The following THRB variants were observed in gnomAD, a reference collection of about 807,000 sequenced individuals.
THRB encodes the protein nuclear receptor subfamily 1 group A member 2.
In THRB, 12 loss-of-function variants were observed where a neutral mutation model predicts 47.8. That is an observed-to-expected ratio of 0.25 (90% CI 0.16 to 0.41). THRB has a LOEUF of 0.41. Ranked by LOEUF, THRB falls within the 10% of genes least tolerant of loss-of-function variation. The pLI, the probability that THRB is intolerant of heterozygous loss-of-function variation, is 1.00. For synonymous variants in THRB, 218 were observed against 212.2 expected, an observed-to-expected ratio of 1.03 and a Z score of -0.24; for missense variants, 348 against 589.2, an observed-to-expected ratio of 0.59 and a Z score of 4.24.
intron 5 of THRB, among the ~76,000 whole-genome samples, chr3:24,159,379 GA>G (rs1482793542): frequency 6.6e-6 from 1 of 152,174 alleles, no homozygotes; most frequent in African/African-American, 2.4e-5. Flanking sequence ...TTATGATCTA[GA>G]TAGATTTGAT....
At chr3:24,368,678 A>G (rs1403958611) in intron 1 of THRB, among the ~76,000 whole-genome samples, 1 of 152,210 alleles carries the variant, frequency 6.6e-6, no homozygotes, top group African/African-American at 2.4e-5. Context: ...AAGCCAATGA[A>G]GGCCATGAAT....
At chr3:24,248,789 G>A (rs9843159) in intron 3 of THRB, among the ~76,000 whole-genome samples, 10,094 of 152,158 alleles carry the variant, frequency 0.066, 748 homozygotes, top group African/African-American at 0.18. Context: ...AGTGGTCCAA[G>A]CACCAGCTCC....
At chr3:24,190,025 T>A (rs750976834) in intron 5 of THRB, 49 bp downstream of exon 5, 2 of 1,582,438 alleles carry the variant, frequency 1.3e-6, no homozygotes, top group Non-Finnish European at 1.7e-6. Flanking sequence ...CAGGGATATT[T>A]TTTTTCTTGT....
At chr3:24,385,778 G>C (rs2066049236) in intron 1 of THRB, among the ~76,000 whole-genome samples, 1 of 152,034 alleles carries the variant, frequency 6.6e-6, no homozygotes, top group Non-Finnish European at 1.5e-5. Flanking sequence ...TTCCCAAATG[G>C]AACTGGCCTA....
At chr3:24,207,008 C>T (rs544904913) in intron 4 of THRB, among the ~76,000 whole-genome samples, 1 of 152,142 alleles carries the variant, frequency 6.6e-6, no homozygotes, top group Admixed American at 6.5e-5. Flanking sequence ...AATTAATAGC[C>T]TACCAACCAA....
At chr3:24,198,981 C>T (rs1202745894) in intron 4 of THRB, among the ~76,000 whole-genome samples, 2 of 152,202 alleles carry the variant, frequency 1.3e-5, no homozygotes, top group East Asian at 1.9e-4. Context: ...AGCTGAAGGG[C>T]ATAATCATAA....
At chr3:24,251,495 G>A (rs2050664926) in intron 3 of THRB, among the ~76,000 whole-genome samples, 1 of 151,926 alleles carries the variant, frequency 6.6e-6, no homozygotes, top group Admixed American at 6.6e-5. Context: ...ACAAAATTAG[G>A]AAAAAGAAAG....
At chr3:24,440,454 A>C (rs2071418934) in intron 1 of THRB, among the ~76,000 whole-genome samples, 1 of 152,198 alleles carries the variant, frequency 6.6e-6, no homozygotes, top group African/African-American at 2.4e-5. Flanking sequence ...TTCAAGACGC[A>C]GCCTCAATGT....
At chr3:24,297,496 G>A (rs1693362718) in intron 2 of THRB, 125 bp from the exon 3 acceptor site, 1 of 152,250 alleles carries the variant, frequency 6.6e-6, no homozygotes, top group Non-Finnish European at 1.5e-5. Context: ...AAAAGATGGT[G>A]ATGACCCAGA....
chr3:24,229,663 C>A (rs1176213778), intron 3 of THRB, among the ~76,000 whole-genome samples: 1 of 152,182 alleles, frequency 6.6e-6, no homozygotes. Context: ...CAGAGGTGCA[C>A]TGACCCAGGG....
At chr3:24,368,228 A>C (rs1228514246) in intron 1 of THRB, among the ~76,000 whole-genome samples, 3 of 152,002 alleles carry the variant, frequency 2.0e-5, no homozygotes, top group Non-Finnish European at 4.4e-5. Context: ...AAATACACGG[A>C]TGACTTTTCT....
chr3:24,256,207 G>T (rs1337081833), intron 3 of THRB, among the ~76,000 whole-genome samples: 1 of 152,180 alleles, frequency 6.6e-6, no homozygotes, highest in Non-Finnish European at 1.5e-5. Context: ...GAGGTCAAGG[G>T]AGATGAGGTC....
At chr3:24,214,680 G>A (rs1255722406) in intron 4 of THRB, among the ~76,000 whole-genome samples, 2 of 152,168 alleles carry the variant, frequency 1.3e-5, no homozygotes, top group African/African-American at 4.8e-5. Context: ...AGTAGGAGGG[G>A]CTGCTGCAAA....
chr3:24,315,570 G>C (rs2058060432), intron 2 of THRB, among the ~76,000 whole-genome samples: 2 of 152,128 alleles, frequency 1.3e-5, no homozygotes, highest in Non-Finnish European at 2.9e-5. Flanking sequence ...GTGCCTCCCG[G>C]CCTTCTATAG....
intron 3 of THRB, among the ~76,000 whole-genome samples, chr3:24,258,377 A>G (rs945771681): frequency 6.6e-6 from 1 of 152,124 alleles, no homozygotes; most frequent in African/African-American, 2.4e-5. Flanking sequence ...GGGAGGAAGG[A>G]AAGAAACAAA....
Position 24,287,411 on chromosome 3 carries a change from T to C in THRB, c.-43+9815A>G, listed in dbSNP as rs114650046. On this transcript the variant is annotated intron_variant, in intron 3 of 10. Transcript: ENST00000646209. ...GTGCATTATTTTATTTAAACTTTCATTCATTTTATGAGCAATGTAGGCCAA... is the reference window on the plus strand; with the variant it reads ...GTGCATTATTTTATTTAAACTTTCACTCATTTTATGAGCAATGTAGGCCAA... Among the ~76,000 whole-genome samples the C allele has an allele frequency of 3.8e-3, 585 of 152,316 alleles. 3 individuals are homozygous for C. The highest frequency in any genetic ancestry group is 6.1e-3 in the Non-Finnish European group (415 of 68,024).
chr3:24,244,166 G>A (rs2049874979), intron 3 of THRB, among the ~76,000 whole-genome samples: 1 of 152,070 alleles, frequency 6.6e-6, no homozygotes, highest in Non-Finnish European at 1.5e-5. Flanking sequence ...CCTGAAAGGA[G>A]ACTGTGGTGA....
At chr3:24,298,124 T>C (rs889997380) in intron 2 of THRB, among the ~76,000 whole-genome samples, 1 of 152,214 alleles carries the variant, frequency 6.6e-6, no homozygotes, top group Non-Finnish European at 1.5e-5. Context: ...AAAATGAAAA[T>C]AGGTCCGTTA....
chr3:24,143,561 G>A lies in THRB; in HGVS notation c.678C>T (p.Thr226=), dbSNP rs149511669. The change falls in exon 8 of 11, where the codon ACC becomes ACT. Residue 226 remains threonine, a synonymous_variant. Transcript: ENST00000646209. Reference sequence around the variant, plus strand: ...GGGCGTTGGTCGCCACATGGGCTTCGGTGACAGTTTTGATGAGCTCCCATT... The same window carrying A: ...GGGCGTTGGTCGCCACATGGGCTTCAGTGACAGTTTTGATGAGCTCCCATT... The part of the protein sequence containing the change: ...DEEWELIKTV[T]EAHVATNAQG... The A allele has an allele frequency of 1.5e-5, 24 of 1,614,164 alleles. No homozygotes were observed. In the South Asian group the frequency reaches 1.9e-4, roughly 13 times the overall value.
Sources: gnomAD v4.1 joint callset for allele counts (sites outside exome capture counted in the v4.1 genomes callset) on GRCh38, gnomAD v4.1.1 for gene constraint, MANE v1.5 for transcripts, NCBI Gene and HGNC (gene_info 2026-07-23, HGNC 2026-07-21) for gene names.